The following CTNNBIP1 variants were observed in gnomAD, a reference collection of about 807,000 sequenced individuals.
CTNNBIP1 encodes beta-catenin-interacting protein 1.
Under a neutral mutation model 11.8 loss-of-function variants are expected in CTNNBIP1, and 7 were observed. The ratio of observed to expected loss-of-function variants is 0.60; its 90% CI spans 0.34 to 1.12. The LOEUF is 1.12. CTNNBIP1 is among the 50% of genes most tolerant of loss of function. The pLI is 0.03. For missense variants in CTNNBIP1, 101 were observed against 113.4 expected (o/e 0.89, Z 0.50); for synonymous variants, 58 against 43.9 (o/e 1.32, Z -1.26).
chr1:9,854,480 C>A (rs1638461825), intron 5 of CTNNBIP1, among the ~76,000 whole-genome samples: 1 of 151,994 alleles, frequency 6.6e-6, no homozygotes, highest in Admixed American at 6.5e-5. Context: ...TGAAAACTCT[C>A]CCTACCAAGA....
chr1:9,890,532 C>T (rs1031825911), intron 1 of CTNNBIP1, among the ~76,000 whole-genome samples: 4 of 152,220 alleles, frequency 2.6e-5, no homozygotes, highest in African/African-American at 4.8e-5. Flanking sequence ...AATCCAGCCA[C>T]GGATCTTCCT....
chr1:9,866,893 G>C (rs1369076232), intron 5 of CTNNBIP1, among the ~76,000 whole-genome samples: 1 of 152,040 alleles, frequency 6.6e-6, no homozygotes, highest in Non-Finnish European at 1.5e-5. Flanking sequence ...AGCAGGTCTG[G>C]GGAGCCTTAG....
chr1:9,878,459 GTA>G (rs747207106), intron 2 of CTNNBIP1, among the ~76,000 whole-genome samples: 13 of 152,330 alleles, frequency 8.5e-5, no homozygotes, highest in African/African-American at 3.1e-4. Context: ...CTCAGTGCAT[GTA>G]TATGTGTCTG....
In CTNNBIP1 at chr1:9,850,616, G is replaced by C; in HGVS notation, c.*102C>G. The C allele has an allele frequency of 2.9e-6, 3 of 1,036,048 alleles. No homozygotes were observed. The highest frequency in any genetic ancestry group is 2.4e-4 in the Middle Eastern group (1 of 4,202). The allele number at this position is 1,036,048 out of a possible 1,614,324, so 64.2% of individuals were successfully genotyped here. A position where few individuals can be genotyped will look rare whatever the true frequency, so the allele number is the denominator to read the frequency against. On this transcript the variant is annotated 3_prime_UTR_variant, in exon 6 of 6. Coordinates refer to ENST00000377263, the MANE Select transcript of CTNNBIP1 (RefSeq NM_020248.3). ...GCAGGGCAGGGTTGGGTAGGGGAAGGGGGAGGTGGGGCAAGGGGGGCTGCT... is the reference window on the plus strand; with the variant it reads ...GCAGGGCAGGGTTGGGTAGGGGAAGCGGGAGGTGGGGCAAGGGGGGCTGCT...
chr1:9,889,171 G>A (rs572763772), intron 1 of CTNNBIP1, among the ~76,000 whole-genome samples: 1 of 152,300 alleles, frequency 6.6e-6, no homozygotes, highest in East Asian at 1.9e-4. Flanking sequence ...CCTGCACGCT[G>A]GACAGGAAGC....
In CTNNBIP1 at chr1:9,891,173, G is replaced by A. The variant is rs142338058; in HGVS notation, c.-143-7435C>T. Among the ~76,000 whole-genome samples, 842 of 152,116 alleles carry A rather than the reference G, an allele frequency of 5.5e-3. 11 individuals are homozygous for A. The highest frequency in any genetic ancestry group is 0.019 in the African/African-American group (808 of 41,490). On this transcript the variant is annotated intron_variant, in intron 1 of 5. Coordinates refer to ENST00000377263, the MANE Select transcript of CTNNBIP1 (RefSeq NM_020248.3). ...TTTGGCGGGGGTGGGGGGCACTCACGTTTCTCCACAAGGTACATAAGGTCC... is the reference window on the plus strand; with the variant it reads ...TTTGGCGGGGGTGGGGGGCACTCACATTTCTCCACAAGGTACATAAGGTCC...
At chr1:9,902,237 C>T (rs556708242) in intron 1 of CTNNBIP1, among the ~76,000 whole-genome samples, 79 of 152,234 alleles carry the variant, frequency 5.2e-4, no homozygotes, top group Admixed American at 4.6e-4. Context: ...AAGTTGGCAG[C>T]GAGAGACGTG....
intron 5 of CTNNBIP1, among the ~76,000 whole-genome samples, chr1:9,859,493 T>C (rs1638578930): frequency 6.6e-6 from 1 of 152,198 alleles, no homozygotes; most frequent in African/African-American, 2.4e-5. Flanking sequence ...CTGGCCTGGC[T>C]TACTCAGGCT....
intron 1 of CTNNBIP1, among the ~76,000 whole-genome samples, chr1:9,900,172 G>A (rs753373886): frequency 1.3e-5 from 2 of 152,144 alleles, no homozygotes; most frequent in Non-Finnish European, 2.9e-5. Flanking sequence ...GGAAGGCCGA[G>A]GCGAGCAGAT....
intron 5 of CTNNBIP1, among the ~76,000 whole-genome samples, chr1:9,858,705 G>A (rs573960121): frequency 5.9e-5 from 9 of 152,286 alleles, no homozygotes; most frequent in African/African-American, 1.9e-4. Flanking sequence ...CCACTGGAAC[G>A]TACATCTCAT....
chr1:9,853,789 C>G (rs1456603253), intron 5 of CTNNBIP1, among the ~76,000 whole-genome samples: 2 of 152,110 alleles, frequency 1.3e-5, no homozygotes, highest in Admixed American at 6.6e-5. Flanking sequence ...GTTCCACACT[C>G]AAAAACATTA....
intron 1 of CTNNBIP1, among the ~76,000 whole-genome samples, chr1:9,894,045 A>G (rs1344902625): frequency 1.3e-5 from 2 of 152,234 alleles, no homozygotes; most frequent in South Asian, 2.1e-4. Flanking sequence ...GATGGAACAA[A>G]GTTGTTTTTT....
chr1:9,871,848 C>T lies in CTNNBIP1; in HGVS notation c.96+121G>A, dbSNP rs571735425. 1,656 of 809,032 alleles carry T rather than the reference C, an allele frequency of 2.0e-3. 7 individuals carry two copies. The highest frequency in any genetic ancestry group is 2.8e-3 in the Non-Finnish European group (1,361 of 488,002). The allele number at this position is 809,032 out of a possible 1,614,324, so 50.1% of individuals were successfully genotyped here. A position where few individuals can be genotyped will look rare whatever the true frequency, so the allele number is the denominator to read the frequency against. Reference sequence around the variant, plus strand: ...CCAAGCCACAGGCCCAGCGGCCCCTCCTCAGCCCGTGGCTCCGCAGGAGGC... The same window carrying T: ...CCAAGCCACAGGCCCAGCGGCCCCTTCTCAGCCCGTGGCTCCGCAGGAGGC... On this transcript the variant is annotated intron_variant, in intron 4 of 5. Transcript: ENST00000377263. The surrounding 1 kb of genome is among the most constrained non-coding windows in gnomAD (Gnocchi z 5.2).
chr1:9,876,252 C>T (rs1273126331), intron 3 of CTNNBIP1, among the ~76,000 whole-genome samples: 2 of 152,106 alleles, frequency 1.3e-5, no homozygotes, highest in African/African-American at 2.4e-5. Flanking sequence ...AATGGGGTGG[C>T]GCTTCCACTC....
rs1039108610 is a variant in CTNNBIP1 at position 9,898,242 on chromosome 1, T to C, written c.-144+11853A>G. ...AAAAAATATATAATTAAAAGAACAG[T>C]GGGCCGGGCACAGTGGCTCACACCT... On this transcript the variant is annotated intron_variant, in intron 1 of 5. Transcript: ENST00000377263. 1.7e-4 allele frequency among the ~76,000 whole-genome samples: 26 copies of C among 151,740 alleles called. No homozygotes were observed. The East Asian group carries it at 4.7e-3, about 27-fold the overall frequency.
intron 1 of CTNNBIP1, among the ~76,000 whole-genome samples, chr1:9,895,745 C>A (rs977680287): frequency 6.6e-6 from 1 of 152,148 alleles, no homozygotes; most frequent in Non-Finnish European, 1.5e-5. Context: ...GATCCACCCG[C>A]CTTGGCCTCC....
At chr1:9,882,457 AAGG>A (rs913098396) in intron 2 of CTNNBIP1, among the ~76,000 whole-genome samples, 3 of 151,914 alleles carry the variant, frequency 2.0e-5, no homozygotes, top group African/African-American at 4.8e-5. Flanking sequence ...CCTGGAGGAG[AAGG>A]AGGAGTTGGT....
rs774359167 is a variant in CTNNBIP1 at position 9,850,671 on chromosome 1, A to T, written c.*47T>A. 1 of 1,579,978 alleles carries T rather than the reference A, an allele frequency of 6.3e-7. No individual in the cohort carries two copies. On this transcript the variant is annotated 3_prime_UTR_variant, in exon 6 of 6. Transcript: ENST00000377263. ...CTCAGCCGGCCCAGGAGCCACACAG[A>T]TCTCTTGGCCCTCAACAGCATCCAG...
chr1:9,876,001 C>G (rs1280554761), intron 3 of CTNNBIP1, among the ~76,000 whole-genome samples: 1 of 152,142 alleles, frequency 6.6e-6, no homozygotes, highest in Non-Finnish European at 1.5e-5. Context: ...AGCAAACGTG[C>G]TATTATATTT....
Sources: gnomAD v4.1 joint callset for allele counts (sites outside exome capture counted in the v4.1 genomes callset) on GRCh38, gnomAD v4.1.1 for gene constraint, Gnocchi (gnomAD v3.1) non-coding constraint, MANE v1.5 for transcripts, NCBI Gene and HGNC (gene_info 2026-07-23, HGNC 2026-07-21) for gene names.